CDKAL1: variants seen among roughly 807,000 people sequenced by gnomAD.
CDKAL1 encodes the protein CDKAL1 threonylcarbamoyladenosine tRNA methylthiotransferase.
Under a neutral mutation model 68.2 loss-of-function variants are expected in CDKAL1, and 32 were observed. The observed-to-expected ratio is 0.47, with a 90% CI of 0.35 to 0.63. The LOEUF is 0.63. CDKAL1 is among the 30% of genes least tolerant of loss of function. CDKAL1 has a pLI of 0.00. For synonymous variants in CDKAL1, 234 were observed against 244.3 expected, an observed-to-expected ratio of 0.96 and a Z score of 0.39; for missense variants, 606 against 696.7, an observed-to-expected ratio of 0.87 and a Z score of 1.47.
intron 11 of CDKAL1, among the ~76,000 whole-genome samples, chr6:21,041,875 T>G (rs1281075057): frequency 6.6e-6 from 1 of 152,194 alleles, no homozygotes; most frequent in East Asian, 1.9e-4. Flanking sequence ...TAAAATTGCT[T>G]TTGATAAAAT....
At chr6:20,895,824 G>A (rs1421717397) in intron 9 of CDKAL1, among the ~76,000 whole-genome samples, 1 of 152,140 alleles carries the variant, frequency 6.6e-6, no homozygotes, top group East Asian at 1.9e-4. Context: ...TGATTACTAT[G>A]GCAATATGCA....
At chr6:21,062,530 T>A (rs1771198986) in intron 11 of CDKAL1, among the ~76,000 whole-genome samples, 1 of 152,236 alleles carries the variant, frequency 6.6e-6, no homozygotes. Flanking sequence ...ATAAAAAGTT[T>A]AAATTTTTCT....
chr6:20,645,940 A>G (rs1040574935), intron 4 of CDKAL1, among the ~76,000 whole-genome samples: 7 of 151,874 alleles, frequency 4.6e-5, no homozygotes, highest in African/African-American at 1.4e-4. Context: ...GAAGATCTTC[A>G]GGGGCAATAA....
chr6:20,783,916 T>G (rs1469155250), intron 8 of CDKAL1, among the ~76,000 whole-genome samples: 3 of 152,078 alleles, frequency 2.0e-5, no homozygotes, highest in African/African-American at 7.2e-5. Flanking sequence ...GTACCTCATA[T>G]AAAATGGTGT....
chr6:20,654,043 A>T (rs1252270721), intron 5 of CDKAL1, among the ~76,000 whole-genome samples: 6 of 151,308 alleles, frequency 4.0e-5, no homozygotes. Flanking sequence ...CACCGCGCCT[A>T]GTCAGTTTTT....
intron 9 of CDKAL1, among the ~76,000 whole-genome samples, chr6:20,895,891 C>G (rs1040072950): frequency 1.3e-5 from 2 of 152,026 alleles, no homozygotes; most frequent in African/African-American, 4.8e-5. Flanking sequence ...TCCAGTGGCC[C>G]TTTTGATAAA....
At chr6:20,931,442 A>G (rs1763456264) in intron 9 of CDKAL1, among the ~76,000 whole-genome samples, 1 of 152,202 alleles carries the variant, frequency 6.6e-6, no homozygotes, top group Admixed American at 6.5e-5. Flanking sequence ...TAAGAGGCAG[A>G]GTCAGGGGAG....
At chr6:20,848,691 T>C (rs1043874269) in intron 9 of CDKAL1, among the ~76,000 whole-genome samples, 3 of 152,192 alleles carry the variant, frequency 2.0e-5, no homozygotes, top group Non-Finnish European at 2.9e-5. Flanking sequence ...ATTATCTGTG[T>C]ATTAGAATTG....
intron 7 of CDKAL1, among the ~76,000 whole-genome samples, chr6:20,771,695 G>A (rs1402779258): frequency 6.6e-6 from 1 of 152,172 alleles, no homozygotes; most frequent in Non-Finnish European, 1.5e-5. Flanking sequence ...CTCATGAATG[G>A]CTTGGTGCTG....
intron 4 of CDKAL1, among the ~76,000 whole-genome samples, chr6:20,647,737 A>T (rs1768544253): frequency 6.6e-6 from 1 of 152,132 alleles, no homozygotes; most frequent in Non-Finnish European, 1.5e-5. Flanking sequence ...TGAGTTGAGT[A>T]GGGAAGTGAC....
At chr6:21,064,114 G>A (rs769314122) in intron 11 of CDKAL1, among the ~76,000 whole-genome samples, 1 of 152,162 alleles carries the variant, frequency 6.6e-6, no homozygotes, top group Non-Finnish European at 1.5e-5. Context: ...AAATTTGTAT[G>A]GATAATACTT....
Position 21,028,637 on chromosome 6 carries a change from C to T in CDKAL1, c.1055+28265C>T, listed in dbSNP as rs879726152. 6.6e-5 allele frequency among the ~76,000 whole-genome samples: 10 copies of T among 152,114 alleles called. No individual in the cohort carries two copies. In the South Asian group the frequency reaches 8.3e-4, roughly 13 times the overall value. ...TTAAGACCTCATTTAACCTTAGTTA[C>T]CTAAAGGTGCTATCTCCAAATACAG... On this transcript the variant is annotated intron_variant, in intron 11 of 15. Transcript: ENST00000274695.
chr6:20,734,142 C>CT (rs1175065979), intron 5 of CDKAL1, among the ~76,000 whole-genome samples: 1 of 141,482 alleles, frequency 7.1e-6, no homozygotes, highest in Non-Finnish European at 1.5e-5. Context: ...GAGCGAGACT[C>CT]TGTCTTGAAA....
At chr6:20,922,274 G>A (rs576971498) in intron 9 of CDKAL1, among the ~76,000 whole-genome samples, 7 of 152,256 alleles carry the variant, frequency 4.6e-5, no homozygotes, top group Admixed American at 3.3e-4. Flanking sequence ...AGACACGAAA[G>A]GAATCATTGT....
Position 20,845,240 on chromosome 6 carries a change from G to T in CDKAL1, c.639-835G>T, listed in dbSNP as rs77924619. ...TCATTATAGCAATCGAATCACTGAA[G>T]AAATGTTCCTTTTTGTTTGGTTCAA... is the stretch of plus-strand genomic sequence containing the variant. On this transcript the variant is annotated intron_variant, in intron 8 of 15. Transcript: ENST00000274695. 1.7e-4 allele frequency among the ~76,000 whole-genome samples: 26 copies of T among 152,238 alleles called. No individual in the cohort carries two copies. The East Asian group carries it at 5.0e-3, about 29-fold the overall frequency.
intron 9 of CDKAL1, among the ~76,000 whole-genome samples, chr6:20,875,022 C>T (rs1038727131): frequency 6.6e-5 from 10 of 151,504 alleles, no homozygotes; most frequent in Non-Finnish European, 1.0e-4. Context: ...TCTAGCAGGC[C>T]GGCGCGGTGG....
At position 20,757,942 on chromosome 6, in the gene CDKAL1, T is replaced by G. The variant is rs78996869; in HGVS notation, c.469-653T>G. Among the ~76,000 whole-genome samples the G allele has an allele frequency of 7.9e-3, 1,202 of 152,308 alleles. 12 individuals are homozygous for G. Among genetic ancestry groups the G allele is most frequent in the African/African-American group, 0.028 (1,149 of 41,556 alleles). The stretch of plus-strand genomic sequence containing the variant: ...TCTCAGTGGGTTTCTCCAATCATAA[T>G]CCTGTTTAATCATAACCCCAGGAGT... On this transcript the variant is annotated intron_variant, in intron 6 of 15. Transcript: ENST00000274695.
At chr6:20,920,312 C>A (rs1304596310) in intron 9 of CDKAL1, among the ~76,000 whole-genome samples, 1 of 152,082 alleles carries the variant, frequency 6.6e-6, no homozygotes, top group Non-Finnish European at 1.5e-5. Context: ...GTAAGAAGTG[C>A]AGACTGAGTT....
chr6:20,989,586 C>T (rs1294687146), intron 10 of CDKAL1, among the ~76,000 whole-genome samples: 1 of 152,180 alleles, frequency 6.6e-6, no homozygotes, highest in Admixed American at 6.5e-5. Flanking sequence ...TCTGAGCTGA[C>T]GGTACAGCCT....
Sources: gnomAD v4.1 joint callset for allele counts (sites outside exome capture counted in the v4.1 genomes callset) on GRCh38, gnomAD v4.1.1 for gene constraint, MANE v1.5 for transcripts, NCBI Gene and HGNC (gene_info 2026-07-23, HGNC 2026-07-21) for gene names.